Variants in NME7 observed in about 807,000 individuals in gnomAD.
NME7 encodes the protein NME/NM23 family member 7.
NME7 carries 41 observed loss-of-function variants against 49.1 expected under a neutral mutation model. The observed-to-expected ratio is 0.83, with a 90% CI of 0.65 to 1.08. The LOEUF (loss-of-function observed/expected upper bound fraction) is 1.08, where lower values mean the gene tolerates loss of function less well. Ranked by LOEUF, NME7 falls within the 50% of genes least tolerant of loss-of-function variation. The probability of loss-of-function intolerance (pLI) is 0.00; values close to 1 mark genes in which losing one functional copy is unlikely to be tolerated. For synonymous variants in NME7, 139 were observed against 150.6 expected (o/e 0.92, Z 0.56); for missense variants, 423 against 463.4 (o/e 0.91, Z 0.80).
chr1:169,225,685 TC>T lies in NME7; in HGVS notation c.990+5032del, dbSNP rs1647301746. Among the ~76,000 whole-genome samples, 3 of 152,210 alleles carry T rather than the reference TC, an allele frequency of 2.0e-5. 1 individual carries two copies. The highest frequency in any genetic ancestry group is 7.2e-5 in the African/African-American group (3 of 41,538). The stretch of plus-strand genomic sequence containing the variant: ...AAATAGAAATTGCAAGTCTAATATT[TC>T]CCCCCTCCCTAATGAATTGTCTTGT... On this transcript the variant is annotated intron_variant, in intron 10 of 11. Transcript: ENST00000367811.
intron 4 of NME7, among the ~76,000 whole-genome samples, chr1:169,304,316 A>G (rs1367944370): frequency 6.6e-6 from 1 of 152,236 alleles, no homozygotes; most frequent in African/African-American, 2.4e-5. Flanking sequence ...TGACAAATAT[A>G]TGTAAACATT....
At chr1:169,174,715 C>T (rs749575350) in intron 10 of NME7, among the ~76,000 whole-genome samples, 22 of 152,072 alleles carry the variant, frequency 1.4e-4, no homozygotes, top group Non-Finnish European at 2.8e-4. Flanking sequence ...TGTGTATCTA[C>T]ACATATCTAA....
chr1:169,240,933 G>C (rs545796621), intron 7 of NME7, among the ~76,000 whole-genome samples: 1 of 152,158 alleles, frequency 6.6e-6, no homozygotes, highest in South Asian at 2.1e-4. Context: ...TCTTTGATAT[G>C]ATAGGCTTAC....
intron 7 of NME7, among the ~76,000 whole-genome samples, chr1:169,283,530 C>T (rs1245099082): frequency 6.6e-6 from 1 of 152,118 alleles, no homozygotes; most frequent in Non-Finnish European, 1.5e-5. Flanking sequence ...AATGCAGTTT[C>T]TTCATAGTGT....
At chr1:169,147,284 A>G (rs919516867) in intron 11 of NME7, among the ~76,000 whole-genome samples, 1 of 152,168 alleles carries the variant, frequency 6.6e-6, no homozygotes, top group Non-Finnish European at 1.5e-5. Context: ...ATTTCCTATT[A>G]TATCTTCCCT....
At chr1:169,257,081 G>C (rs1344795895) in intron 7 of NME7, among the ~76,000 whole-genome samples, 1 of 134,698 alleles carries the variant, frequency 7.4e-6, no homozygotes, top group East Asian at 2.0e-4. Flanking sequence ...TTGAGCTGTG[G>C]TGGGCTCCGC....
chr1:169,298,788 T>A, intron 5 of NME7, 25 bp from the exon 6 acceptor site: 1 of 1,592,984 alleles, frequency 6.3e-7, no homozygotes, highest in African/African-American at 1.3e-5. Context: ...GAAGATTAGT[T>A]TGCTTCTTTT....
chr1:169,302,517 A>G (rs1006848681), intron 5 of NME7: 1 of 152,208 alleles, frequency 6.6e-6, no homozygotes, highest in Non-Finnish European at 1.5e-5. Context: ...AAAACCAAAT[A>G]CCACATGTTC....
At chr1:169,365,634 T>G (rs1186157259) in intron 1 of NME7, among the ~76,000 whole-genome samples, 1 of 152,158 alleles carries the variant, frequency 6.6e-6, no homozygotes, top group Non-Finnish European at 1.5e-5. Flanking sequence ...GGAACTTGTG[T>G]GCCATTCTAG....
intron 9 of NME7, among the ~76,000 whole-genome samples, chr1:169,232,556 T>G (rs1361639747): frequency 7.1e-5 from 10 of 140,904 alleles, no homozygotes; most frequent in South Asian, 2.4e-4. Context: ...GCCAGGGTGT[T>G]GGGGGGGGGG....
chr1:169,342,820 A>G (rs1208950505), intron 1 of NME7, among the ~76,000 whole-genome samples: 7 of 72,662 alleles, frequency 9.6e-5, no homozygotes, highest in African/African-American at 5.0e-4. Flanking sequence ...TATATATAGT[A>G]TATATATATA....
Position 169,169,563 on chromosome 1 carries a change from C to CCTTA in NME7, c.991-10_991-9insTAAG, listed in dbSNP as rs1659518040. Reference sequence around the variant, plus strand: ...AAATGCCGGGCAATTTCCTATTAAACATACATTCACATATAGATTAATGTT... The same window carrying CCTTA: ...AAATGCCGGGCAATTTCCTATTAAACCTTAATACATTCACATATAGATTAATGTT... On this transcript the variant is annotated splice_polypyrimidine_tract_variant and intron_variant, in intron 10 of 11. Coordinates refer to ENST00000367811, the MANE Select transcript of NME7 (RefSeq NM_013330.5). The CCTTA allele has an allele frequency of 3.1e-6, 5 of 1,604,948 alleles. No individual in the cohort carries two copies. The East Asian group carries it at 1.1e-4, about 36-fold the overall frequency.
chr1:169,323,616 G>T (rs1018980837), intron 2 of NME7, among the ~76,000 whole-genome samples: 3 of 152,100 alleles, frequency 2.0e-5, no homozygotes, highest in African/African-American at 7.2e-5. Context: ...GCTTTCTTGT[G>T]TACACAAAAT....
At chr1:169,326,062 T>C (rs929090747) in intron 1 of NME7, among the ~76,000 whole-genome samples, 3 of 151,992 alleles carry the variant, frequency 2.0e-5, no homozygotes, top group Non-Finnish European at 4.4e-5. Flanking sequence ...TTTAAATACA[T>C]AATTGAAATG....
At chr1:169,211,815 G>A (rs998204371) in intron 10 of NME7, among the ~76,000 whole-genome samples, 1 of 152,082 alleles carries the variant, frequency 6.6e-6, no homozygotes, top group African/African-American at 2.4e-5. Flanking sequence ...CCTCTGACTT[G>A]TAAATTTGAA....
At chr1:169,153,529 T>A (rs901719874) in intron 11 of NME7, among the ~76,000 whole-genome samples, 9 of 152,162 alleles carry the variant, frequency 5.9e-5, no homozygotes, top group African/African-American at 2.2e-4. Flanking sequence ...TTTCATGAAA[T>A]TTTCCTGACC....
chr1:169,169,597 G>T, intron 10 of NME7, 43 bp from the exon 11 acceptor site: 1 of 1,545,948 alleles, frequency 6.5e-7, no homozygotes, highest in South Asian at 1.1e-5. Flanking sequence ...TTAGTCATAT[G>T]GTATAAATAA....
At chr1:169,294,075 T>C (rs1487406198) in intron 6 of NME7, among the ~76,000 whole-genome samples, 3 of 152,248 alleles carry the variant, frequency 2.0e-5, no homozygotes, top group Admixed American at 6.5e-5. Context: ...GGAAGCACCA[T>C]GCAAGTAAAA....
intron 10 of NME7, among the ~76,000 whole-genome samples, chr1:169,199,375 A>G (rs1571284554): frequency 6.6e-6 from 1 of 151,270 alleles, no homozygotes; most frequent in East Asian, 1.9e-4. Flanking sequence ...AGGATACCAC[A>G]CTTGCCAAGA....
Sources: allele counts gnomAD v4.1 joint callset (sites outside exome capture counted in the v4.1 genomes callset), GRCh38; gene constraint gnomAD v4.1.1; transcripts MANE v1.5; gene names NCBI Gene and HGNC (gene_info 2026-07-23, HGNC 2026-07-21).